The following C6orf118 variants were observed in gnomAD, a reference collection of about 807,000 sequenced individuals.
The protein encoded by C6orf118 is chromosome 6 open reading frame 118.
A neutral mutation model predicts 50.2 loss-of-function variants in C6orf118; 50 were observed. The ratio of observed to expected loss-of-function variants is 1.00; its 90% CI spans 0.79 to 1.26. C6orf118 has a LOEUF of 1.26. C6orf118 is among the 50% of genes most tolerant of loss of function. The pLI, the probability that C6orf118 is intolerant of heterozygous loss-of-function variation, is 0.00. For missense variants in C6orf118, 641 were observed against 578.7 expected (o/e 1.11, Z -1.10); for synonymous variants, 239 against 230.9 (o/e 1.03, Z -0.32).
rs772718032 is a variant in C6orf118 at position 165,302,063 on chromosome 6, T to C, written c.259A>G (p.Lys87Glu). The C allele has an allele frequency of 4.3e-6, 7 of 1,613,702 alleles. No individual in the cohort carries two copies. The African/African-American group carries it at 9.3e-5, about 22-fold the overall frequency. The change falls in exon 2 of 9, where the codon AAG becomes GAG. Residue 87 changes from lysine (K) to glutamate (E), a missense_variant. Coordinates refer to ENST00000230301, the MANE Select transcript of C6orf118 (RefSeq NM_144980.4). ...LQHWPNAHRP[K>E]GERASEVGEP... ...CCCACCTCAGAGGCGCGCTCCCCCT[T>C]GGGCCGGTGGGCATTGGGCCAGTGC...
chr6:165,299,916 T>A (rs770016326), intron 3 of C6orf118, among the ~76,000 whole-genome samples: 15 of 152,136 alleles, frequency 9.9e-5, no homozygotes, highest in Non-Finnish European at 2.1e-4. Flanking sequence ...ACTCCTGACC[T>A]AAAGTGATCT....
In C6orf118 at chr6:165,302,089, T is replaced by A. The variant is rs576752319; in HGVS notation, c.233A>T (p.Gln78Leu). The change falls in exon 2 of 9, where the codon CAG (glutamine) becomes CTG (leucine). Residue 78 changes from glutamine to leucine, a missense_variant. Coordinates refer to ENST00000230301, the MANE Select transcript of C6orf118 (RefSeq NM_144980.4). Reference sequence around the variant, plus strand: ...GGGCCGGTGGGCATTGGGCCAGTGCTGTAAGATCGTCTCCGGAGGCTGGTA... The same window carrying A: ...GGGCCGGTGGGCATTGGGCCAGTGCAGTAAGATCGTCTCCGGAGGCTGGTA... ...KLYQPPETILQHWPNAHRPKG... is the reference protein window; with the variant it reads ...KLYQPPETILLHWPNAHRPKG... The A allele has an allele frequency of 1.3e-4, 209 of 1,613,844 alleles. No homozygotes were observed. The highest frequency in any genetic ancestry group is 1.7e-4 in the Non-Finnish European group (203 of 1,180,022).
intron 5 of C6orf118, among the ~76,000 whole-genome samples, chr6:165,295,363 C>T (rs1780252773): frequency 6.6e-6 from 1 of 152,032 alleles, no homozygotes; most frequent in Non-Finnish European, 1.5e-5. Context: ...TCCTGAAATG[C>T]TCTTTGGGAA....
intron 6 of C6orf118, among the ~76,000 whole-genome samples, chr6:165,292,606 A>G (rs2128159590): frequency 6.6e-6 from 1 of 152,236 alleles, no homozygotes; most frequent in East Asian, 1.9e-4. Flanking sequence ...GTCCTATTTC[A>G]CGTCTGTGAG....
At chr6:165,300,222 G>C (rs760236827) in intron 3 of C6orf118, 142 bp downstream of exon 3, 9 of 908,084 alleles carry the variant, frequency 9.9e-6, no homozygotes, top group Non-Finnish European at 1.3e-5. Context: ...AGATGACCTC[G>C]AGTCTCTGGG....
At chr6:165,291,204 G>C (rs1337501099) in intron 6 of C6orf118, among the ~76,000 whole-genome samples, 1 of 151,952 alleles carries the variant, frequency 6.6e-6, no homozygotes. Flanking sequence ...AGCATGAAGA[G>C]AAGTGAACAA....
At chr6:165,282,935 T>C (rs1322469510) in intron 7 of C6orf118, among the ~76,000 whole-genome samples, 1 of 152,162 alleles carries the variant, frequency 6.6e-6, no homozygotes, top group Non-Finnish European at 1.5e-5. Flanking sequence ...TTAGAACCCA[T>C]TACTGTTTTA....
chr6:165,288,693 C>T (rs899370274), intron 7 of C6orf118, among the ~76,000 whole-genome samples: 1 of 152,130 alleles, frequency 6.6e-6, no homozygotes, highest in African/African-American at 2.4e-5. Flanking sequence ...AACAGAAAAC[C>T]AAACACCACG....
At chr6:165,282,598 A>G (rs1354157855) in intron 7 of C6orf118, among the ~76,000 whole-genome samples, 1 of 150,574 alleles carries the variant, frequency 6.6e-6, no homozygotes, top group East Asian at 1.9e-4. Flanking sequence ...TATTTTTTAA[A>G]TGTTCATAAA....
intron 3 of C6orf118, 59 bp downstream of exon 3, chr6:165,300,305 T>C: frequency 6.2e-7 from 1 of 1,600,848 alleles, no homozygotes; most frequent in African/African-American, 1.3e-5. Context: ...AGATCATTCT[T>C]GTACACAGAA....
chr6:165,295,154 C>T (rs1387462997), intron 5 of C6orf118, among the ~76,000 whole-genome samples: 3 of 151,932 alleles, frequency 2.0e-5, no homozygotes, highest in Non-Finnish European at 4.4e-5. Context: ...AAATATTTTT[C>T]TACTTTTTCC....
At chr6:165,280,808 G>C (rs753692032) in intron 8 of C6orf118, among the ~76,000 whole-genome samples, 1 of 152,182 alleles carries the variant, frequency 6.6e-6, no homozygotes, top group Non-Finnish European at 1.5e-5. Context: ...GGAGGCAGCA[G>C]CCACACTCAA....
intron 7 of C6orf118, 56 bp from the exon 8 acceptor site, chr6:165,281,749 AT>A (rs1779738677): frequency 1.8e-6 from 2 of 1,103,328 alleles, no homozygotes; most frequent in Non-Finnish European, 2.5e-6. Context: ...TTTGTTAATT[AT>A]TTTTCTCTAT....
intron 7 of C6orf118, among the ~76,000 whole-genome samples, chr6:165,289,007 T>C (rs544726408): frequency 1.8e-4 from 27 of 152,074 alleles, no homozygotes; most frequent in African/African-American, 5.1e-4. Context: ...AAGGCTAGAA[T>C]CAGTACAATT....
At chr6:165,291,336 G>T (rs951755809) in intron 6 of C6orf118, among the ~76,000 whole-genome samples, 1 of 152,218 alleles carries the variant, frequency 6.6e-6, no homozygotes, top group East Asian at 1.9e-4. Context: ...CTCAGTTGTA[G>T]CTAGAAAGAA....
intron 8 of C6orf118, among the ~76,000 whole-genome samples, chr6:165,280,877 A>G (rs1191559643): frequency 6.6e-6 from 1 of 152,178 alleles, no homozygotes; most frequent in Non-Finnish European, 1.5e-5. Context: ...ATTGAGCCCA[A>G]GCCACCTACA....
intron 1 of C6orf118, among the ~76,000 whole-genome samples, chr6:165,309,120 T>A (rs1780848540): frequency 6.6e-6 from 1 of 152,232 alleles, no homozygotes; most frequent in Non-Finnish European, 1.5e-5. Flanking sequence ...TCTGACTTGA[T>A]GAATGTGGAC....
At chr6:165,286,807 C>A (rs1488019584) in intron 7 of C6orf118, among the ~76,000 whole-genome samples, 1 of 152,122 alleles carries the variant, frequency 6.6e-6, no homozygotes, top group Admixed American at 6.5e-5. Context: ...GACAAACCTA[C>A]ATCCAATATT....
intron 1 of C6orf118, among the ~76,000 whole-genome samples, chr6:165,307,494 G>T (rs921192602): frequency 5.3e-5 from 8 of 151,794 alleles, no homozygotes; most frequent in East Asian, 1.9e-4. Flanking sequence ...GGAGGTGGAG[G>T]TTGCAGTGAG....
Sources: gnomAD v4.1 joint callset for allele counts (sites outside exome capture counted in the v4.1 genomes callset) on GRCh38, gnomAD v4.1.1 for gene constraint, MANE v1.5 for transcripts, NCBI Gene and HGNC (gene_info 2026-07-23, HGNC 2026-07-21) for gene names.